The following GRIA1 variants were observed in gnomAD, a reference collection of about 807,000 sequenced individuals.
GRIA1 encodes glutamate ionotropic receptor AMPA type subunit 1.
A neutral mutation model predicts 99.2 loss-of-function variants in GRIA1; 31 were observed. That is an observed-to-expected ratio of 0.31 (90% confidence interval 0.23 to 0.42). The LOEUF (loss-of-function observed/expected upper bound fraction) is 0.42. GRIA1 is among the 10% of genes least tolerant of loss of function. The pLI is 1.00. For missense variants in GRIA1, 782 were observed against 1,157.5 expected, an observed-to-expected ratio of 0.68 and a Z score of 4.71; for synonymous variants, 438 against 432.4, an observed-to-expected ratio of 1.01 and a Z score of -0.16.
Position 153,575,563 on chromosome 5 carries a change from C to T in GRIA1, c.221-71365C>T, listed in dbSNP as rs534579270. ...ACCTTGCTTTCAAAACTCTATGAGG[C>T]TACAAATCAGAGATTGAAACCTAAA... On this transcript the variant is annotated intron_variant, in intron 2 of 15. Coordinates refer to ENST00000285900, the MANE Select transcript of GRIA1 (RefSeq NM_000827.4). Among the ~76,000 whole-genome samples, 262 of 152,300 alleles carry T rather than the reference C, an allele frequency of 1.7e-3. 2 individuals are homozygous for T. Among genetic ancestry groups the T allele is most frequent in the African/African-American group, 5.8e-3 (240 of 41,562 alleles).
rs571623112 is a variant in GRIA1, at chr5:153,625,938, A to G, written c.221-20990A>G. 1.2e-4 allele frequency among the ~76,000 whole-genome samples: 19 copies of G among 152,314 alleles called. No individual in the cohort carries two copies. The East Asian group carries it at 3.7e-3, about 29-fold the overall frequency. On this transcript the variant is annotated intron_variant, in intron 2 of 15. Transcript: ENST00000285900. ...GCTCATGCCACAAACAAGCACAAGCACAAGGATTCAAAGCTTAGCGATCTG... is the reference window on the plus strand; with the variant it reads ...GCTCATGCCACAAACAAGCACAAGCGCAAGGATTCAAAGCTTAGCGATCTG...
intron 2 of GRIA1, among the ~76,000 whole-genome samples, chr5:153,564,494 G>T (rs993816068): frequency 2.0e-5 from 3 of 152,170 alleles, no homozygotes; most frequent in Admixed American, 6.5e-5. Flanking sequence ...CCTGGGCCAA[G>T]AATTCACATG....
rs555291643 is a variant in GRIA1 at position 153,641,701 on chromosome 5, A to T, written c.221-5227A>T. 7.2e-4 allele frequency among the ~76,000 whole-genome samples: 109 copies of T among 152,284 alleles called. 1 individual carries two copies. In the Middle Eastern group the frequency reaches 0.031, roughly 43 times the overall value. On this transcript the variant is annotated intron_variant, in intron 2 of 15. Coordinates refer to ENST00000285900, the MANE Select transcript of GRIA1 (RefSeq NM_000827.4). ...ATACAGTACTCTTTATGCACATGTA[A>T]CTGTACCAAAACCTCTCTCCTGGCT... is the stretch of plus-strand genomic sequence containing the variant.
At chr5:153,498,213 C>A (rs1485242936) in intron 2 of GRIA1, among the ~76,000 whole-genome samples, 1 of 152,118 alleles carries the variant, frequency 6.6e-6, no homozygotes, top group East Asian at 1.9e-4. Context: ...ACAGAGTAAA[C>A]CCCATCTACA....
rs767691209 is a variant in GRIA1 at position 153,802,403 on chromosome 5, C to T, written c.2433C>T (p.Tyr811=). ...TCAGCAATGTGGCAGGCGTGTTCTA[C>T]ATCCTGATCGGAGGACTTGGACTAG... ...LSLSNVAGVF[Y]ILIGGLGLAM... Residue 811 remains tyrosine, a synonymous_variant, in exon 15 of 16, where the codon TAC becomes TAT. Transcript: ENST00000285900. 2 of 1,613,718 alleles carry T rather than the reference C, an allele frequency of 1.2e-6. No individual in the cohort carries two copies. Among genetic ancestry groups the T allele is most frequent in the Non-Finnish European group, 1.7e-6 (2 of 1,179,682 alleles).
At chr5:153,754,639 T>C (rs1762708055) in intron 11 of GRIA1, among the ~76,000 whole-genome samples, 1 of 152,176 alleles carries the variant, frequency 6.6e-6, no homozygotes, top group Admixed American at 6.5e-5. Flanking sequence ...CCATCCTGAA[T>C]ACTTGGTTTG....
intron 11 of GRIA1, among the ~76,000 whole-genome samples, chr5:153,742,485 A>G (rs1020241005): frequency 4.6e-5 from 7 of 152,230 alleles, no homozygotes; most frequent in Non-Finnish European, 8.8e-5. Flanking sequence ...AAAGTCCAGT[A>G]TGGGCTTTGC....
chr5:153,572,557 G>A (rs1191440320), intron 2 of GRIA1, among the ~76,000 whole-genome samples: 5 of 152,176 alleles, frequency 3.3e-5, no homozygotes, highest in Non-Finnish European at 4.4e-5. Context: ...GCTGTCAGCC[G>A]TGGATGGGAG....
intron 2 of GRIA1, among the ~76,000 whole-genome samples, chr5:153,623,750 T>A (rs1033804716): frequency 5.3e-5 from 8 of 152,182 alleles, no homozygotes. Flanking sequence ...ACCCAAAATA[T>A]ATGCATTCAA....
intron 1 of GRIA1, chr5:153,492,451 G>T: frequency 1.3e-6 from 1 of 782,572 alleles, no homozygotes; most frequent in Non-Finnish European, 1.8e-6. Context: ...AGGAGAAAGG[G>T]GACAGGGAAG....
chr5:153,497,058 G>A (rs1041939408), intron 2 of GRIA1, among the ~76,000 whole-genome samples: 2 of 152,122 alleles, frequency 1.3e-5, no homozygotes, highest in African/African-American at 4.8e-5. Flanking sequence ...TATATGGTAG[G>A]GAAGGTGGGG....
intron 10 of GRIA1, among the ~76,000 whole-genome samples, chr5:153,701,912 C>G: frequency 6.6e-6 from 1 of 152,178 alleles, no homozygotes; most frequent in East Asian, 1.9e-4. Context: ...AGTCACATTT[C>G]ATCGTGTAGC....
intron 3 of GRIA1, 21 bp downstream of exon 3, chr5:153,647,188 G>C: frequency 1.2e-6 from 2 of 1,608,966 alleles, no homozygotes; most frequent in Non-Finnish European, 1.7e-6. Context: ...GGTTAGGGGA[G>C]GGAGACTTTT....
upstream of GRIA1, chr5:153,489,784 A>G (rs367567529): frequency 1.3e-5 from 6 of 456,570 alleles, no homozygotes; most frequent in African/African-American, 6.0e-5. Context: ...ACCTGAAAGA[A>G]GCTTGAATCC....
At chr5:153,666,118 C>T (rs545377730) in intron 5 of GRIA1, among the ~76,000 whole-genome samples, 122 of 152,146 alleles carry the variant, frequency 8.0e-4, no homozygotes, top group Admixed American at 2.3e-3. Context: ...CCTCTTTGAT[C>T]CACAAGACAA....
At chr5:153,517,012 T>C (rs888397798) in intron 2 of GRIA1, among the ~76,000 whole-genome samples, 1 of 152,050 alleles carries the variant, frequency 6.6e-6, no homozygotes, top group Non-Finnish European at 1.5e-5. Context: ...GACGAAATAT[T>C]GGGTATGAGA....
At chr5:153,522,476 C>T (rs1278456605) in intron 2 of GRIA1, among the ~76,000 whole-genome samples, 2 of 152,076 alleles carry the variant, frequency 1.3e-5, no homozygotes, top group Non-Finnish European at 2.9e-5. Flanking sequence ...TCAAGTTAGG[C>T]CAGGTTATAC....
chr5:153,683,220 T>G (rs190696523), intron 7 of GRIA1, among the ~76,000 whole-genome samples: 4 of 152,332 alleles, frequency 2.6e-5, no homozygotes, highest in African/African-American at 9.6e-5. Flanking sequence ...TGACTCTCCT[T>G]GATAAATGGT....
intron 2 of GRIA1, among the ~76,000 whole-genome samples, chr5:153,529,533 C>T (rs959778698): frequency 1.4e-4 from 22 of 152,210 alleles, no homozygotes; most frequent in African/African-American, 4.8e-4. Context: ...CTCATCACAT[C>T]GAAGTATTCA....
Sources: allele counts gnomAD v4.1 joint callset (sites outside exome capture counted in the v4.1 genomes callset), GRCh38; gene constraint gnomAD v4.1.1; transcripts MANE v1.5; gene names NCBI Gene and HGNC (gene_info 2026-07-23, HGNC 2026-07-21).